The following SRD5A2 variants were observed in gnomAD, a reference collection of about 807,000 sequenced individuals.
SRD5A2 encodes 3-oxo-5-alpha-steroid 4-dehydrogenase 2.
In SRD5A2, 30 loss-of-function variants were observed where a neutral mutation model predicts 27.4. That is an observed-to-expected ratio of 1.10 (90% CI 0.82 to 1.49). The LOEUF (loss-of-function observed/expected upper bound fraction) is 1.49, where lower values mean the gene tolerates loss of function less well. SRD5A2 is among the 40% of genes most tolerant of loss of function. The pLI is 0.00. For synonymous variants in SRD5A2, 141 were observed against 133.6 expected (o/e 1.06, Z -0.38); for missense variants, 348 against 323.4 (o/e 1.08, Z -0.58).
At chr2:31,591,273 G>A in the SRD5A2 span, among the ~76,000 whole-genome samples, 564 of 152,268 alleles carry the variant, frequency 3.7e-3, 4 homozygotes, top group African/African-American at 0.013. Flanking sequence ...AAAAGTGGGT[G>A]AAGGACATGA....
chr2:31,622,746 A>G, the SRD5A2 span, among the ~76,000 whole-genome samples: 1 of 152,096 alleles, frequency 6.6e-6, no homozygotes, highest in South Asian at 2.1e-4. Flanking sequence ...TTTTTTTGGT[A>G]TAAGTTTGGC....
chr2:31,594,656 A>T, the SRD5A2 span, among the ~76,000 whole-genome samples: 1 of 152,204 alleles, frequency 6.6e-6, no homozygotes, highest in African/African-American at 2.4e-5. Flanking sequence ...TCATCAAGAC[A>T]GAAAGTCAAC....
At chr2:31,600,156 T>C in the SRD5A2 span, among the ~76,000 whole-genome samples, 2 of 151,976 alleles carry the variant, frequency 1.3e-5, no homozygotes, top group Non-Finnish European at 2.9e-5. Context: ...TTGCACAGGA[T>C]ATGATCTTGT....
At chr2:31,616,562 A>G in the SRD5A2 span, among the ~76,000 whole-genome samples, 4 of 152,186 alleles carry the variant, frequency 2.6e-5, no homozygotes, top group East Asian at 7.7e-4. Context: ...ACTGAATTTT[A>G]GACTTCCATG....
At chr2:31,633,565 C>T in the SRD5A2 span, among the ~76,000 whole-genome samples, 3 of 152,124 alleles carry the variant, frequency 2.0e-5, no homozygotes. Context: ...CTAAGATCTA[C>T]CATGGTCCCC....
chr2:31,610,389 T>C, the SRD5A2 span, among the ~76,000 whole-genome samples: 3 of 152,266 alleles, frequency 2.0e-5, no homozygotes, highest in Admixed American at 2.0e-4. Context: ...AATCAATAAA[T>C]GTGATATGAT....
At position 31,538,307 on chromosome 2, in the gene SRD5A2, A is replaced by ATC. The variant is rs754512516; in HGVS notation, c.282-4543_282-4542dup. ...AGCCAAAGATCTTAGACCATCTTTG[A>ATC]TCTCTCTCTCTCTCTCATTCTCTCA... On this transcript the variant is annotated intron_variant, in intron 1 of 4. Coordinates refer to ENST00000622030, the MANE Select transcript of SRD5A2 (RefSeq NM_000348.4). 2.2e-4 allele frequency among the ~76,000 whole-genome samples: 33 copies of ATC among 151,048 alleles called. 1 individual carries two copies. The highest frequency in any genetic ancestry group is 1.6e-3 in the East Asian group (8 of 5,130).
the SRD5A2 span, among the ~76,000 whole-genome samples, chr2:31,622,096 A>G: frequency 6.6e-6 from 1 of 152,076 alleles, no homozygotes; most frequent in Non-Finnish European, 1.5e-5. Flanking sequence ...CCCATTAGCT[A>G]TTCTTCCTGA....
the SRD5A2 span, among the ~76,000 whole-genome samples, chr2:31,628,188 G>A: frequency 2.6e-5 from 4 of 152,070 alleles, no homozygotes; most frequent in East Asian, 7.7e-4. Flanking sequence ...AGGATAGGTA[G>A]GTCTTCTTGT....
chr2:31,605,742 CA>C, the SRD5A2 span, among the ~76,000 whole-genome samples: 485 of 141,422 alleles, frequency 3.4e-3, 4 homozygotes, highest in African/African-American at 0.011. Context: ...TTTGGAGGAT[CA>C]AAAAAAAAAA....
At chr2:31,631,730 C>T in the SRD5A2 span, among the ~76,000 whole-genome samples, 1 of 152,196 alleles carries the variant, frequency 6.6e-6, no homozygotes, top group African/African-American at 2.4e-5. Flanking sequence ...GCTGCCATAA[C>T]TGCAGCCAGA....
chr2:31,618,847 A>G, the SRD5A2 span, among the ~76,000 whole-genome samples: 5 of 152,162 alleles, frequency 3.3e-5, no homozygotes, highest in Non-Finnish European at 7.4e-5. Flanking sequence ...TCACCAAAAA[A>G]AGCAATAAAT....
chr2:31,637,405 A>G, the SRD5A2 span, among the ~76,000 whole-genome samples: 110 of 152,194 alleles, frequency 7.2e-4, no homozygotes, highest in Non-Finnish European at 1.2e-3. Flanking sequence ...CCAGACAAAA[A>G]CAGGTAGGAC....
chr2:31,561,742 T>C (rs190472604), intron 1 of SRD5A2, among the ~76,000 whole-genome samples: 37 of 152,224 alleles, frequency 2.4e-4, no homozygotes, highest in African/African-American at 7.5e-4. Flanking sequence ...GAAAGAATAA[T>C]GATCATTGGA....
At chr2:31,655,837 A>T in the SRD5A2 span, among the ~76,000 whole-genome samples, 1 of 152,242 alleles carries the variant, frequency 6.6e-6, no homozygotes, top group Admixed American at 6.5e-5. Flanking sequence ...AGAACCTACT[A>T]GACAGAAAGA....
At chr2:31,551,998 G>T (rs988847746) in intron 1 of SRD5A2, among the ~76,000 whole-genome samples, 6 of 151,846 alleles carry the variant, frequency 4.0e-5, no homozygotes, top group African/African-American at 1.5e-4. Flanking sequence ...AAGCAAAGAG[G>T]TCTCAGACTT....
chr2:31,573,664 T>G (rs1308924218), intron 1 of SRD5A2, among the ~76,000 whole-genome samples: 1 of 152,162 alleles, frequency 6.6e-6, no homozygotes, highest in East Asian at 1.9e-4. Context: ...CCCTCACCCA[T>G]TCCTCCTCAG....
chr2:31,567,433 G>GGTGT (rs557711508), intron 1 of SRD5A2, among the ~76,000 whole-genome samples: 22 of 145,548 alleles, frequency 1.5e-4, no homozygotes, highest in East Asian at 2.0e-4. Flanking sequence ...GGTGCAATTT[G>GGTGT]GTGTGTGTGT....
At chr2:31,544,404 CT>C (rs1359301327) in intron 1 of SRD5A2, among the ~76,000 whole-genome samples, 1 of 151,384 alleles carries the variant, frequency 6.6e-6, no homozygotes, top group Non-Finnish European at 1.5e-5. Context: ...AAAAGTAAAA[CT>C]GAAAAATCTA....
Sources: allele counts gnomAD v4.1 joint callset (sites outside exome capture counted in the v4.1 genomes callset), GRCh38; gene constraint gnomAD v4.1.1; transcripts MANE v1.5; gene names NCBI Gene and HGNC (gene_info 2026-07-23, HGNC 2026-07-21).